Variants in TCF12 observed in about 807,000 individuals in gnomAD.
TCF12 encodes the protein transcription factor 12.
A neutral mutation model predicts 86.0 loss-of-function variants in TCF12; 45 were observed. The ratio of observed to expected loss-of-function variants is 0.52; its 90% confidence interval spans 0.41 to 0.67. The LOEUF (loss-of-function observed/expected upper bound fraction) is 0.67. Among genes scored for constraint, TCF12 ranks in the 30% least tolerant of loss-of-function variants. The probability of loss-of-function intolerance (pLI) is 0.00; values close to 1 mark genes in which losing one functional copy is unlikely to be tolerated. For missense variants in TCF12, 881 were observed against 859.9 expected (o/e 1.02, Z -0.31); for synonymous variants, 330 against 299.6 (o/e 1.10, Z -1.05).
chr15:57,104,621 A>G (rs193208345), intron 5 of TCF12, among the ~76,000 whole-genome samples: 50 of 151,214 alleles, frequency 3.3e-4, no homozygotes, highest in African/African-American at 1.1e-3. Flanking sequence ...CTTTTAGAAG[A>G]GATGGAGTTT....
In TCF12 at chr15:57,192,184, G is replaced by A. The variant is rs1567599071; in HGVS notation, c.417G>A (p.Gly139=). 5 of 1,613,968 alleles carry A rather than the reference G, an allele frequency of 3.1e-6. No individual in the cohort carries two copies. Among genetic ancestry groups the A allele is most frequent in the East Asian group, 2.2e-5 (1 of 44,880 alleles). ...CTAGTCTCCTGAGACAAGATCTGGGGCTTGGGAGCCCAGCACAGCTATCTT... is the reference window on the plus strand; with the variant it reads ...CTAGTCTCCTGAGACAAGATCTGGGACTTGGGAGCCCAGCACAGCTATCTT... The part of the protein sequence containing the change: ...CQSSLLRQDL[G]LGSPAQLSSS... The change falls in exon 7 of 21, where the codon GGG becomes GGA. Residue 139 remains glycine (G), a synonymous_variant. Transcript: ENST00000333725.
chr15:57,205,715 A>G (rs527980872), intron 8 of TCF12, among the ~76,000 whole-genome samples: 95 of 152,326 alleles, frequency 6.2e-4, no homozygotes, highest in African/African-American at 1.7e-3. Flanking sequence ...GATTTTTTTC[A>G]TACATTAATA....
chr15:56,978,022 A>G (rs184481044), intron 3 of TCF12, among the ~76,000 whole-genome samples: 112 of 152,300 alleles, frequency 7.4e-4, no homozygotes, highest in Non-Finnish European at 7.3e-5. Flanking sequence ...AAAAGATAAA[A>G]TATGTACGGT....
At chr15:57,043,662 T>C (rs569694829) in intron 3 of TCF12, among the ~76,000 whole-genome samples, 11 of 152,340 alleles carry the variant, frequency 7.2e-5, no homozygotes, top group African/African-American at 2.6e-4. Flanking sequence ...TTTAAGTCAG[T>C]AGAATTTTAG....
chr15:57,137,399 T>TC (rs1667308145), intron 5 of TCF12, among the ~76,000 whole-genome samples: 2 of 152,376 alleles, frequency 1.3e-5, no homozygotes, highest in Admixed American at 1.3e-4. Flanking sequence ...GAAATTTTTT[T>TC]CCACTTTGGT....
intron 5 of TCF12, among the ~76,000 whole-genome samples, chr15:57,125,330 T>C (rs2151312213): frequency 6.6e-6 from 1 of 152,362 alleles, no homozygotes; most frequent in Non-Finnish European, 1.5e-5. Context: ...CTATAAGTTC[T>C]ATTGTAGTAG....
intron 7 of TCF12, among the ~76,000 whole-genome samples, chr15:57,196,637 T>C (rs186408297): frequency 1.1e-4 from 16 of 152,342 alleles, no homozygotes; most frequent in Admixed American, 6.5e-4. Context: ...TGAACAAGTT[T>C]TATATTTTAC....
At chr15:57,047,012 C>T (rs2067273798) in intron 3 of TCF12, among the ~76,000 whole-genome samples, 1 of 152,184 alleles carries the variant, frequency 6.6e-6, no homozygotes, top group South Asian at 2.1e-4. Context: ...AGAGATGAAT[C>T]TAAACTACGC....
chr15:56,983,566 G>T (rs1236332280), intron 3 of TCF12, among the ~76,000 whole-genome samples: 2 of 152,058 alleles, frequency 1.3e-5, no homozygotes, highest in African/African-American at 4.8e-5. Context: ...TTCCTAGAGA[G>T]ATCTATTGCA....
intron 3 of TCF12, among the ~76,000 whole-genome samples, chr15:56,999,078 G>C (rs1204626189): frequency 6.6e-6 from 1 of 151,904 alleles, no homozygotes; most frequent in African/African-American, 2.4e-5. Context: ...GGCGCCTGTA[G>C]TCCCAGCTAA....
intron 13 of TCF12, among the ~76,000 whole-genome samples, chr15:57,249,875 G>A (rs562732334): frequency 2.6e-5 from 4 of 152,012 alleles, no homozygotes; most frequent in East Asian, 1.9e-4. Flanking sequence ...ATGCACAATC[G>A]TGAAATAATG....
chr15:57,018,032 A>G (rs1217493063), intron 3 of TCF12, among the ~76,000 whole-genome samples: 1 of 152,164 alleles, frequency 6.6e-6, no homozygotes, highest in Non-Finnish European at 1.5e-5. Context: ...TTTTAGTAGA[A>G]GGATCTTGGA....
chr15:57,283,070 T>C (rs374562609), intron 20 of TCF12, among the ~76,000 whole-genome samples: 21 of 152,212 alleles, frequency 1.4e-4, no homozygotes, highest in East Asian at 9.6e-4. Context: ...ATAATGCAAG[T>C]TTATGATATG....
In TCF12 at chr15:57,225,790, G is replaced by A. The variant is rs571454785; in HGVS notation, c.580-5362G>A. On this transcript the variant is annotated intron_variant, in intron 8 of 20. Transcript: ENST00000333725. Reference sequence around the variant, plus strand: ...ATTCCAATCCCATAAAATTGAGAAAGAGACATGGGTTGTATATATTGCTAC... The same window carrying A: ...ATTCCAATCCCATAAAATTGAGAAAAAGACATGGGTTGTATATATTGCTAC... Among the ~76,000 whole-genome samples the A allele has an allele frequency of 5.9e-4, 89 of 152,014 alleles. 1 individual carries two copies. Among genetic ancestry groups the A allele is most frequent in the South Asian group, 1.5e-3 (7 of 4,816 alleles).
intron 3 of TCF12, among the ~76,000 whole-genome samples, chr15:56,939,447 A>G (rs2060628242): frequency 6.6e-6 from 1 of 152,182 alleles, no homozygotes; most frequent in Admixed American, 6.5e-5. Context: ...TTTGATGAAT[A>G]TTGAACAAAG....
chr15:56,953,830 GT>G (rs201309524), intron 3 of TCF12, among the ~76,000 whole-genome samples: 42,123 of 136,012 alleles, frequency 0.31, 6,986 homozygotes, highest in African/African-American at 0.46. Context: ...AAGTTTATCA[GT>G]TTTTTTTTTT....
At chr15:57,248,053 G>C (rs1335182181) in intron 13 of TCF12, 1 of 703,172 alleles carries the variant, frequency 1.4e-6, no homozygotes, top group African/African-American at 1.7e-5. Flanking sequence ...TTTGAGACCA[G>C]ACAACTGGAC....
At chr15:57,275,920 G>T (rs1597839164) in intron 19 of TCF12, among the ~76,000 whole-genome samples, 2 of 152,176 alleles carry the variant, frequency 1.3e-5, no homozygotes, top group East Asian at 3.9e-4. Context: ...GTGCCTTGTT[G>T]CCCCACCTGT....
At chr15:57,009,999 TC>T (rs2064723702) in intron 3 of TCF12, among the ~76,000 whole-genome samples, 1 of 152,262 alleles carries the variant, frequency 6.6e-6, no homozygotes, top group South Asian at 2.1e-4. Flanking sequence ...AGTGTGGAAG[TC>T]AGGTTTACAG....
Sources: allele counts gnomAD v4.1 joint callset (sites outside exome capture counted in the v4.1 genomes callset), GRCh38; gene constraint gnomAD v4.1.1; transcripts MANE v1.5; gene names NCBI Gene and HGNC (gene_info 2026-07-23, HGNC 2026-07-21).